KCNH1: variants seen among roughly 807,000 people sequenced by gnomAD.
The protein encoded by KCNH1 is potassium voltage-gated channel subfamily H member 1.
Under a neutral mutation model 69.2 loss-of-function variants are expected in KCNH1, and 27 were observed. The observed-to-expected ratio is 0.39, with a 90% CI of 0.29 to 0.54. The LOEUF is 0.54. Ranked by LOEUF, KCNH1 falls within the 20% of genes least tolerant of loss-of-function variation. The probability of loss-of-function intolerance (pLI) is 0.68; values close to 1 mark genes in which losing one functional copy is unlikely to be tolerated. For synonymous variants in KCNH1, 456 were observed against 487.7 expected (o/e 0.93, Z 0.86); for missense variants, 798 against 1,261.6 (o/e 0.63, Z 5.57).
intron 10 of KCNH1, among the ~76,000 whole-genome samples, chr1:210,761,457 T>C (rs1288846436): frequency 6.6e-6 from 1 of 151,758 alleles, no homozygotes; most frequent in East Asian, 1.9e-4. Flanking sequence ...GCAAATTGGA[T>C]TAAAAAAACA....
rs943351967 is a variant in KCNH1, at chr1:210,885,876, G to T, written c.1462+33764C>A. ...CTCTCTGGGCAGACCATGTCTGAAA[G>T]AGAGGCAGCAGCCCCAGTCAGGGTC... On this transcript the variant is annotated intron_variant, in intron 7 of 10. Coordinates refer to ENST00000271751, the MANE Select transcript of KCNH1 (RefSeq NM_172362.3). 1.4e-4 allele frequency among the ~76,000 whole-genome samples: 22 copies of T among 152,350 alleles called. 1 individual carries two copies. The highest frequency in any genetic ancestry group is 5.0e-4 in the African/African-American group (21 of 41,596).
chr1:210,808,470 T>C (rs1390236521), intron 7 of KCNH1, among the ~76,000 whole-genome samples: 3 of 152,180 alleles, frequency 2.0e-5, no homozygotes, highest in Non-Finnish European at 4.4e-5. Flanking sequence ...CAGGAGGCCC[T>C]TGCTCAATTA....
intron 7 of KCNH1, among the ~76,000 whole-genome samples, chr1:210,889,950 T>C (rs1346498855): frequency 6.6e-6 from 1 of 152,166 alleles, no homozygotes; most frequent in Non-Finnish European, 1.5e-5. Flanking sequence ...ATCAGTATCA[T>C]GAAAATGGCC....
chr1:211,110,832 T>C (rs1691447701), intron 1 of KCNH1, among the ~76,000 whole-genome samples: 1 of 152,168 alleles, frequency 6.6e-6, no homozygotes, highest in Non-Finnish European at 1.5e-5. Context: ...CCTCAACTAA[T>C]TAACAGAAGT....
chr1:211,049,677 C>A (rs374472199), intron 5 of KCNH1, among the ~76,000 whole-genome samples: 14 of 152,156 alleles, frequency 9.2e-5, no homozygotes, highest in African/African-American at 3.1e-4. Context: ...CTGGAAGGGG[C>A]CAGTATGGAG....
chr1:210,984,574 G>T (rs528954953), intron 6 of KCNH1, among the ~76,000 whole-genome samples: 1 of 152,140 alleles, frequency 6.6e-6, no homozygotes, highest in Non-Finnish European at 1.5e-5. Context: ...GCTGGATTAC[G>T]TTTTTTGATT....
chr1:211,113,783 G>A (rs190975779), intron 1 of KCNH1, among the ~76,000 whole-genome samples: 345 of 152,244 alleles, frequency 2.3e-3, no homozygotes, highest in Non-Finnish European at 4.0e-3. Flanking sequence ...GGTTATCACA[G>A]TGGAGTGAGC....
At chr1:211,026,041 A>C (rs1205760146) in intron 5 of KCNH1, among the ~76,000 whole-genome samples, 1 of 152,000 alleles carries the variant, frequency 6.6e-6, no homozygotes, top group African/African-American at 2.4e-5. Flanking sequence ...GTCTTTTCTC[A>C]TTCCTTTGAC....
intron 5 of KCNH1, among the ~76,000 whole-genome samples, chr1:211,025,822 T>C (rs974006701): frequency 3.9e-5 from 6 of 152,110 alleles, no homozygotes; most frequent in Admixed American, 2.6e-4. Context: ...CCCAGCCTCC[T>C]AGATCAATTG....
intron 6 of KCNH1, among the ~76,000 whole-genome samples, chr1:210,998,014 A>G (rs1027751607): frequency 2.6e-5 from 4 of 152,218 alleles, no homozygotes; most frequent in South Asian, 2.1e-4. Flanking sequence ...TGAAGGAAGC[A>G]CTAAACATGG....
chr1:210,952,369 T>C (rs74828452), intron 6 of KCNH1, among the ~76,000 whole-genome samples: 1 of 152,194 alleles, frequency 6.6e-6, no homozygotes, highest in Admixed American at 6.5e-5. Context: ...TAAAGCCTCA[T>C]CTTTCTATCA....
At chr1:210,796,154 CA>C (rs34606473) in intron 9 of KCNH1, among the ~76,000 whole-genome samples, 105 of 134,136 alleles carry the variant, frequency 7.8e-4, no homozygotes, top group Middle Eastern at 4.0e-3. Flanking sequence ...GATTCCGTCT[CA>C]AAAAAAAAAA....
chr1:210,908,354 T>C (rs1443276289), intron 7 of KCNH1, among the ~76,000 whole-genome samples: 1 of 152,196 alleles, frequency 6.6e-6, no homozygotes, highest in African/African-American at 2.4e-5. Flanking sequence ...CTGCTTCCCT[T>C]CCACTTGTTA....
At chr1:211,003,115 C>T (rs969395265) in intron 6 of KCNH1, among the ~76,000 whole-genome samples, 3 of 152,000 alleles carry the variant, frequency 2.0e-5, no homozygotes, top group Admixed American at 1.3e-4. Context: ...GGAGGAGAGA[C>T]CACATGTGGC....
rs900461717 is a variant in KCNH1 at position 210,679,081 on chromosome 1, C to T, written c.*4200G>A. 2 of 152,180 alleles carry T rather than the reference C, an allele frequency of 1.3e-5. No individual in the cohort carries two copies. The highest frequency in any genetic ancestry group is 4.8e-5 in the African/African-American group (2 of 41,448). The allele number at this position is 152,180 out of a possible 1,614,324, so 9.4% of individuals were successfully genotyped here. On this transcript the variant is annotated 3_prime_UTR_variant, in exon 11 of 11. Coordinates refer to ENST00000271751, the MANE Select transcript of KCNH1 (RefSeq NM_172362.3). ...AAATTAAAACTTCTCAACATGAACA[C>T]CTTTGGTGAGAAAATGTTTTTTTCT...
intron 10 of KCNH1, among the ~76,000 whole-genome samples, chr1:210,739,416 GC>G (rs140223652): frequency 7.9e-4 from 120 of 152,236 alleles, no homozygotes; most frequent in African/African-American, 2.7e-3. Context: ...GAGTTAGGGA[GC>G]CCCCCCAAGC....
intron 10 of KCNH1, among the ~76,000 whole-genome samples, chr1:210,729,949 C>T (rs999950318): frequency 2.6e-5 from 4 of 152,164 alleles, no homozygotes; most frequent in Non-Finnish European, 4.4e-5. Context: ...CACACTCTTT[C>T]ATGGATAGAA....
At chr1:211,094,797 C>G (rs1035096967) in intron 3 of KCNH1, among the ~76,000 whole-genome samples, 2 of 152,182 alleles carry the variant, frequency 1.3e-5, no homozygotes, top group Non-Finnish European at 2.9e-5. Flanking sequence ...CTTAAATTTT[C>G]GTTTCTGGAA....
chr1:211,051,752 A>C (rs1206994422), intron 5 of KCNH1, among the ~76,000 whole-genome samples: 1 of 152,226 alleles, frequency 6.6e-6, no homozygotes, highest in Non-Finnish European at 1.5e-5. Flanking sequence ...GAGTAATAAA[A>C]TCAGAGTTGT....
Sources: allele counts gnomAD v4.1 joint callset (sites outside exome capture counted in the v4.1 genomes callset), GRCh38; gene constraint gnomAD v4.1.1; transcripts MANE v1.5; gene names NCBI Gene and HGNC (gene_info 2026-07-23, HGNC 2026-07-21).